Variants in NFE2L1 observed in about 807,000 individuals in gnomAD.
NFE2L1 encodes the protein NFE2 like bZIP transcription factor 1, also known as endoplasmic reticulum membrane sensor NFE2L1.
A neutral mutation model predicts 61.6 loss-of-function variants in NFE2L1; 18 were observed. The ratio of observed to expected loss-of-function variants is 0.29; its 90% confidence interval spans 0.20 to 0.43. The LOEUF (loss-of-function observed/expected upper bound fraction) is 0.43. NFE2L1 is among the 20% of genes least tolerant of loss of function. The pLI is 1.00. For missense variants in NFE2L1, 827 were observed against 973.5 expected (o/e 0.85, Z 2.00); for synonymous variants, 419 against 402.7 (o/e 1.04, Z -0.48).
intron 4 of NFE2L1, 21 bp from the exon 5 acceptor site, chr17:48,057,323 A>G: frequency 6.2e-7 from 1 of 1,610,080 alleles, no homozygotes; most frequent in Non-Finnish European, 8.5e-7. Context: ...CCCTTGTTAA[A>G]GCCTCTGTGT....
rs2037466048 is a variant in NFE2L1 at position 48,058,643 on chromosome 17, C to G, written c.1321C>G (p.Leu441Val). ...AGAGCTGCCTGACCCTTTGGGGGGT[C>G]TGTTAGATGAAGCTATGTTGGATGA... ...GPELPDPLGG[L>V]LDEAMLDEIS... The change falls in exon 6 of 6, where the codon CTG (leucine) becomes GTG (valine). Residue 441 changes from leucine (L) to valine (V), a missense_variant. By Grantham distance (32) the Leu-to-Val change is conservative. This residue lies in a region of NFE2L1 where 667 missense variants were observed against 748.4 expected (regional missense o/e 0.89). Transcript: ENST00000362042. 1 of 1,614,220 alleles carries G rather than the reference C, an allele frequency of 6.2e-7. No individual in the cohort carries two copies. Among genetic ancestry groups the G allele is most frequent in the East Asian group, 2.2e-5 (1 of 44,880 alleles).
chr17:48,056,600 T>C lies in NFE2L1; in HGVS notation c.723+2T>C. The C allele has an allele frequency of 6.2e-7, 1 of 1,612,422 alleles. No homozygotes were observed. The highest frequency in any genetic ancestry group is 8.5e-7 in the Non-Finnish European group (1 of 1,179,752). On this transcript the variant is annotated splice_donor_variant, in intron 3 of 5. Coordinates refer to ENST00000362042, the MANE Select transcript of NFE2L1 (RefSeq NM_003204.3). LOFTEE classifies it high-confidence loss of function. ...ACTGGGGAGAGCTTCCCTGCACAGG[T>C]ACCATCGCCCCTGCTCACTGGGCTC...
rs753941771 is a variant in NFE2L1 at position 48,058,822 on chromosome 17, T to G, written c.1500T>G (p.Ser500=). ...LSSSEGSSSS[S]SSSSSSSSSA... is the part of the protein sequence containing the mutation. ...GCTCTGAAGGCAGTTCTTCCTCTTC[T>G]TCCTCCTCCTCTTCCTCTTCTTCCT... is the stretch of plus-strand genomic sequence containing the variant. The change falls in exon 6 of 6, where the codon TCT becomes TCG. Residue 500 remains serine (S), a synonymous_variant. Transcript: ENST00000362042. 2 of 1,614,028 alleles carry G rather than the reference T, an allele frequency of 1.2e-6. No individual in the cohort carries two copies. The highest frequency in any genetic ancestry group is 1.1e-5 in the South Asian group (1 of 91,084).
In NFE2L1 at chr17:48,058,335, G is replaced by T. The variant is rs2037454889; in HGVS notation, c.1013G>T (p.Ser338Ile). 1 of 1,611,430 alleles carries T rather than the reference G, an allele frequency of 6.2e-7. No homozygotes were observed. Among genetic ancestry groups the T allele is most frequent in the Non-Finnish European group, 8.5e-7 (1 of 1,178,396 alleles). The part of the protein sequence containing the change: ...VNTSASEILY[S>I]APPGDPLSTN... ...ACATCAGCAAGTGAAATCCTGTACA[G>T]TGCCCCTCCTGGAGACCCACTGAGC... Residue 338 changes from serine (S) to isoleucine (I), a missense_variant, in exon 6 of 6, where the codon AGT becomes ATT. By Grantham distance (142) the Ser-to-Ile change is moderately radical. Around this residue, in one of 3 missense-constraint regions of NFE2L1, gnomAD observed 667 missense variants for 748.4 expected, o/e 0.89. Transcript: ENST00000362042.
chr17:48,057,117 C>T lies in NFE2L1; in HGVS notation c.809C>T (p.Ala270Val). 2 of 1,613,190 alleles carry T rather than the reference C, an allele frequency of 1.2e-6. No individual in the cohort carries two copies. ...GCCACCTGCCCCTTTGGGGAGAATGCTGAGGTGAGCAGGACTCCAGTGAGA... is the reference window on the plus strand; with the variant it reads ...GCCACCTGCCCCTTTGGGGAGAATGTTGAGGTGAGCAGGACTCCAGTGAGA... ...LEATCPFGEN[A>V]EFPADISSIT... The change falls in exon 4 of 6, where the codon GCT becomes GTT. Residue 270 changes from alanine (A) to valine (V), a missense_variant. Around this residue, in one of 3 missense-constraint regions of NFE2L1, gnomAD observed 667 missense variants for 748.4 expected, o/e 0.89. Transcript: ENST00000362042.
chr17:48,055,606 G>A (rs1219183072), intron 2 of NFE2L1, among the ~76,000 whole-genome samples: 1 of 151,980 alleles, frequency 6.6e-6, no homozygotes, highest in Non-Finnish European at 1.5e-5. Flanking sequence ...CTGGTGTAGG[G>A]GACACAGTGA....
At chr17:48,058,170 CTT>C in intron 5 of NFE2L1, 123 bp from the exon 6 acceptor site, 1 of 1,361,192 alleles carries the variant, frequency 7.3e-7, no homozygotes, top group Admixed American at 2.6e-5. Flanking sequence ...ACACTGTGGG[CTT>C]TGGTTTATAG....
rs778346386 is a variant in NFE2L1, at chr17:48,051,087, C to G, written c.-32C>G. 1.7e-5 allele frequency: 27 copies of G among 1,613,844 alleles called. No individual in the cohort carries two copies. Among genetic ancestry groups the G allele is most frequent in the South Asian group, 2.2e-5 (2 of 91,054 alleles). ...TTTGTCTTTTGGAAGATTTTAAAAACCAAAAAGCATAAACATTCTGGTCCT... is the reference window on the plus strand; with the variant it reads ...TTTGTCTTTTGGAAGATTTTAAAAAGCAAAAAGCATAAACATTCTGGTCCT... On this transcript the variant is annotated 5_prime_UTR_variant, in exon 2 of 6. Transcript: ENST00000362042.
chr17:48,059,739 C>T lies in NFE2L1; in HGVS notation c.*98C>T, dbSNP rs2037502143. ...GGACCTACAGCGGGGACTTAAATGC[C>T]TTCTTATCCAATATATCTTCTCAGA... On this transcript the variant is annotated 3_prime_UTR_variant, in exon 6 of 6. Transcript: ENST00000362042. The surrounding 1 kb of genome is among the most constrained non-coding windows in gnomAD (Gnocchi z 6.1). 1.4e-6 allele frequency: 2 copies of T among 1,447,926 alleles called. No individual in the cohort carries two copies. Among genetic ancestry groups the T allele is most frequent in the Admixed American group, 2.7e-5 (1 of 37,196 alleles). 89.7% of individuals were successfully genotyped at this position (1,447,926 alleles called of 1,614,324 possible).
Position 48,057,391 on chromosome 17 carries a change from T to C in NFE2L1, c.861T>C (p.Ser287=). ...TAACAGAAGCAGTGCCTAGTGAGAG[T>C]GAGCCCCCTGCTCTTCAAAACAACC... ...SSITEAVPSE[S]EPPALQNNLL... Residue 287 remains serine, a synonymous_variant, in exon 5 of 6, where the codon AGT becomes AGC. Coordinates refer to ENST00000362042, the MANE Select transcript of NFE2L1 (RefSeq NM_003204.3). 1 of 1,614,092 alleles carries C rather than the reference T, an allele frequency of 6.2e-7. No homozygotes were observed. The highest frequency in any genetic ancestry group is 8.5e-7 in the Non-Finnish European group (1 of 1,180,002).
chr17:48,051,014 A>T lies in NFE2L1; in HGVS notation c.-105A>T. On this transcript the variant is annotated 5_prime_UTR_variant, in exon 2 of 6. Coordinates refer to ENST00000362042, the MANE Select transcript of NFE2L1 (RefSeq NM_003204.3). Reference sequence around the variant, plus strand: ...GCCAGGGTGGGGTACGGGGTTTGACACTGAGGAGGGTAACCTGCTGGCTGG... The same window carrying T: ...GCCAGGGTGGGGTACGGGGTTTGACTCTGAGGAGGGTAACCTGCTGGCTGG... The T allele has an allele frequency of 7.0e-7, 1 of 1,426,678 alleles. No individual in the cohort carries two copies. The highest frequency in any genetic ancestry group is 1.4e-5 in the African/African-American group (1 of 71,278). The allele number at this position is 1,426,678 out of a possible 1,614,324, so 88.4% of individuals were successfully genotyped here.
At position 48,050,996 on chromosome 17, in the gene NFE2L1, T is replaced by TG. The variant is rs1598279223; in HGVS notation, c.-119dup. The stretch of plus-strand genomic sequence containing the variant: ...GCTCATCCCTTGTGTTCTGCCAGGG[T>TG]GGGGTACGGGGTTTGACACTGAGGA... On this transcript the variant is annotated 5_prime_UTR_variant, in exon 2 of 6. The change creates a premature stop within an existing upstream ORF in the 5' untranslated region. Transcript: ENST00000362042. The TG allele has an allele frequency of 8.4e-7, 1 of 1,186,072 alleles. No individual in the cohort carries two copies. Among genetic ancestry groups the TG allele is most frequent in the East Asian group, 2.5e-5 (1 of 40,680 alleles). The allele number at this position is 1,186,072 out of a possible 1,614,324, so 73.5% of individuals were successfully genotyped here.
At position 48,059,093 on chromosome 17, in the gene NFE2L1, C is replaced by A; in HGVS notation, c.1771C>A (p.Pro591Thr). The change falls in exon 6 of 6, where the codon CCA (proline) becomes ACA (threonine). Residue 591 changes from proline (P) to threonine (T), a missense_variant. Pro to Thr is a conservative substitution (Grantham distance 38, BLOSUM62 -1). Transcript: ENST00000362042. This position sits in a 1 kb window ranked among gnomAD's most constrained non-coding sequence, Gnocchi z 6.1. ...PSALDSADLP[P>T]PSALKKGSKE... is the part of the protein sequence containing the mutation. ...TGCCCTGGACTCAGCCGACCTGCCA[C>A]CACCCAGTGCCCTCAAGAAAGGCAG... is the stretch of plus-strand genomic sequence containing the variant. The A allele has an allele frequency of 6.2e-7, 1 of 1,614,102 alleles. No individual in the cohort carries two copies. Among genetic ancestry groups the A allele is most frequent in the Non-Finnish European group, 8.5e-7 (1 of 1,180,032 alleles).
intron 1 of NFE2L1, among the ~76,000 whole-genome samples, chr17:48,050,309 T>G (rs1234541888): frequency 6.6e-6 from 1 of 152,104 alleles, no homozygotes; most frequent in Non-Finnish European, 1.5e-5. Context: ...TGAAACCCCA[T>G]CTCTACTAAA....
chr17:48,058,827 C>T lies in NFE2L1; in HGVS notation c.1505C>T (p.Ser502Phe). The change falls in exon 6 of 6, where the codon TCC (serine) becomes TTC (phenylalanine). Residue 502 changes from serine (S) to phenylalanine (F), a missense_variant. Around this residue, in one of 3 missense-constraint regions of NFE2L1, gnomAD observed 667 missense variants for 748.4 expected, o/e 0.89. Coordinates refer to ENST00000362042, the MANE Select transcript of NFE2L1 (RefSeq NM_003204.3). The stretch of plus-strand genomic sequence containing the variant: ...GAAGGCAGTTCTTCCTCTTCTTCCT[C>T]CTCCTCTTCCTCTTCTTCCTCTGCT... ...SSEGSSSSSS[S>F]SSSSSSSASS... is the part of the protein sequence containing the mutation. 1 of 1,614,042 alleles carries T rather than the reference C, an allele frequency of 6.2e-7. No homozygotes were observed.
intron 2 of NFE2L1, 53 bp from the exon 3 acceptor site, chr17:48,056,333 C>G (rs1467186858): frequency 6.2e-7 from 1 of 1,606,476 alleles, no homozygotes; most frequent in African/African-American, 1.3e-5. Context: ...AGGGGCAGGA[C>G]AAGGAAGGGA....
chr17:48,059,804 C>A lies in NFE2L1; in HGVS notation c.*163C>A. 1 of 1,093,714 alleles carries A rather than the reference C, an allele frequency of 9.1e-7. No homozygotes were observed. Among genetic ancestry groups the A allele is most frequent in the Non-Finnish European group, 1.3e-6 (1 of 795,746 alleles). The allele number at this position is 1,093,714 out of a possible 1,614,324, so 67.8% of individuals were successfully genotyped here. ...GTCAGTGTACAGGAAGAGGCAGGCA[C>A]TGGCTGGCTCAGCTCCACTCGGGTG... On this transcript the variant is annotated 3_prime_UTR_variant, in exon 6 of 6. Coordinates refer to ENST00000362042, the MANE Select transcript of NFE2L1 (RefSeq NM_003204.3). This position sits in a 1 kb window ranked among gnomAD's most constrained non-coding sequence, Gnocchi z 6.1.
At chr17:48,053,285 C>T (rs902919395) in intron 2 of NFE2L1, among the ~76,000 whole-genome samples, 2 of 152,106 alleles carry the variant, frequency 1.3e-5, no homozygotes, top group Non-Finnish European at 2.9e-5. Context: ...TCTTGGCCCT[C>T]GTGAAGGTTG....
rs377140290 is a variant in NFE2L1 at position 48,059,490 on chromosome 17, G to T, written c.2168G>T (p.Gly723Val). ...CAGAGCCTGTACCAGGAGGTGTTTG[G>T]GCGGCTGCGAGATGAGAACGGACGA... is the stretch of plus-strand genomic sequence containing the variant. ...KVQSLYQEVF[G>V]RLRDENGRPY... The change falls in exon 6 of 6, where the codon GGG becomes GTG. Residue 723 changes from glycine (G) to valine (V), a missense_variant. By Grantham distance (109) the Gly-to-Val change is moderately radical. Around this residue, in one of 3 missense-constraint regions of NFE2L1, gnomAD observed 86 missense variants for 97.3 expected, o/e 0.88. Transcript: ENST00000362042. The surrounding 1 kb of genome is among the most constrained non-coding windows in gnomAD (Gnocchi z 6.1). 6.2e-7 allele frequency: 1 copy of T among 1,614,070 alleles called. No individual in the cohort carries two copies. Among genetic ancestry groups the T allele is most frequent in the Non-Finnish European group, 8.5e-7 (1 of 1,179,974 alleles).
Sources: allele counts gnomAD v4.1 joint callset (sites outside exome capture counted in the v4.1 genomes callset), GRCh38; gene constraint gnomAD v4.1.1; regional missense constraint gnomAD v4.1.1; non-coding constraint Gnocchi (gnomAD v3.1); transcripts MANE v1.5; gene names NCBI Gene and HGNC (gene_info 2026-07-23, HGNC 2026-07-21).